ANAPC4: variants seen among roughly 807,000 people sequenced by gnomAD.
ANAPC4 encodes anaphase-promoting complex subunit 4.
Under a neutral mutation model 119.8 loss-of-function variants are expected in ANAPC4, and 63 were observed. The observed-to-expected ratio is 0.53, with a 90% CI of 0.43 to 0.65. The LOEUF is 0.65. Among genes scored for constraint, ANAPC4 ranks in the 30% least tolerant of loss-of-function variants. The probability of loss-of-function intolerance (pLI) is 0.00; values close to 1 mark genes in which losing one functional copy is unlikely to be tolerated. For missense variants in ANAPC4, 716 were observed against 945.1 expected (o/e 0.76, Z 3.18); for synonymous variants, 283 against 318.6 (o/e 0.89, Z 1.19).
Position 25,396,981 on chromosome 4 carries a change from A to G in ANAPC4, c.1214+82A>G, listed in dbSNP as rs2109126371. 2.2e-6 allele frequency: 3 copies of G among 1,364,882 alleles called. No homozygotes were observed. The East Asian group carries it at 7.0e-5, about 32-fold the overall frequency. The allele number at this position is 1,364,882 out of a possible 1,614,324, so 84.5% of individuals were successfully genotyped here. A position where few individuals can be genotyped will look rare whatever the true frequency, so the allele number is the denominator to read the frequency against. Reference sequence around the variant, plus strand: ...AATAAGAACCTAGTAAGCTGTTATGATTCTCTTAAAATCAGTTTTTAAATT... The same window carrying G: ...AATAAGAACCTAGTAAGCTGTTATGGTTCTCTTAAAATCAGTTTTTAAATT... On this transcript the variant is annotated intron_variant, in intron 16 of 28. Coordinates refer to ENST00000315368, the MANE Select transcript of ANAPC4 (RefSeq NM_013367.3).
chr4:25,409,744 A>G lies in ANAPC4; in HGVS notation c.1478A>G (p.Glu493Gly), dbSNP rs914072841. The change falls in exon 21 of 29, where the codon GAA becomes GGA. Residue 493 changes from glutamate (E) to glycine (G), a missense_variant. Glu to Gly is a moderately conservative substitution (Grantham distance 98, BLOSUM62 -2). Coordinates refer to ENST00000315368, the MANE Select transcript of ANAPC4 (RefSeq NM_013367.3). ...GATCTTGTGTCACCCCCTAACACAG[A>G]AGGAAACCAGTGGTATGACTTTCTT... ...DDDLVSPPNTEGNQWYDFLQN... is the reference protein window; with the variant it reads ...DDDLVSPPNTGGNQWYDFLQN... 1 of 1,613,506 alleles carries G rather than the reference A, an allele frequency of 6.2e-7. No homozygotes were observed. Among genetic ancestry groups the G allele is most frequent in the Non-Finnish European group, 8.5e-7 (1 of 1,179,636 alleles).
intron 16 of ANAPC4, among the ~76,000 whole-genome samples, chr4:25,400,939 T>C (rs1051744247): frequency 2.0e-5 from 3 of 152,112 alleles, no homozygotes; most frequent in Admixed American, 2.0e-4. Flanking sequence ...TGACAGCCTC[T>C]GGGGTGTGAA....
At chr4:25,380,295 T>C in intron 2 of ANAPC4, 79 bp from the exon 3 acceptor site, 2 of 1,138,442 alleles carry the variant, frequency 1.8e-6, no homozygotes, top group South Asian at 3.2e-5. Flanking sequence ...TTTAAAAAAA[T>C]TTTTAGTAGG....
chr4:25,418,135 T>C lies in ANAPC4; in HGVS notation c.2200-20T>C, dbSNP rs1231490016. On this transcript the variant is annotated intron_variant, in intron 28 of 28. Transcript: ENST00000315368. ...TAAGCCATTAATTTAAAAATGCTTT[T>C]ATGGCCTTTTCTTTTTTAGTTAAGC... 2 of 1,594,752 alleles carry C rather than the reference T, an allele frequency of 1.3e-6. No homozygotes were observed. The highest frequency in any genetic ancestry group is 1.7e-6 in the Non-Finnish European group (2 of 1,167,984).
intron 22 of ANAPC4, 125 bp from the exon 23 acceptor site, chr4:25,414,199 T>C (rs1723733696): frequency 4.8e-6 from 3 of 619,600 alleles, no homozygotes; most frequent in South Asian, 5.8e-5. Flanking sequence ...GTTTCTTATG[T>C]ACAAGGTTTG....
chr4:25,384,977 G>A (rs10027825), intron 4 of ANAPC4, among the ~76,000 whole-genome samples: 65,799 of 151,974 alleles, frequency 0.43, 15,838 homozygotes, highest in Non-Finnish European at 0.53. Flanking sequence ...TCAGAGCAGT[G>A]GGCCTCAACA....
intron 4 of ANAPC4, among the ~76,000 whole-genome samples, chr4:25,384,530 A>G (rs534317881): frequency 9.8e-5 from 15 of 152,322 alleles, no homozygotes; most frequent in African/African-American, 3.6e-4. Context: ...TTCTGAAATA[A>G]CAAGACTTGA....
In ANAPC4 at chr4:25,406,837, G is replaced by A. The variant is rs760964284; in HGVS notation, c.1326G>A (p.Gln442=). Residue 442 remains glutamine, a synonymous_variant, in exon 19 of 29, where the codon CAG becomes CAA. Coordinates refer to ENST00000315368, the MANE Select transcript of ANAPC4 (RefSeq NM_013367.3). The stretch of plus-strand genomic sequence containing the variant: ...GTTCCTTTTGTTGATAGATGACTCA[G>A]AAAGATATCACATTTGTTGCTGAAT... The part of the protein sequence containing the change: ...HVLPELNKMT[Q]KDITFVAEFL... 6 of 1,601,988 alleles carry A rather than the reference G, an allele frequency of 3.7e-6. No homozygotes were observed. Among genetic ancestry groups the A allele is most frequent in the Non-Finnish European group, 5.1e-6 (6 of 1,175,168 alleles).
At chr4:25,417,470 T>C in intron 27 of ANAPC4, 146 bp from the exon 28 acceptor site, 1 of 838,062 alleles carries the variant, frequency 1.2e-6, no homozygotes. Context: ...CAGCTTTTTT[T>C]CTAACACAAC....
At chr4:25,393,653 C>T (rs1030572546) in intron 10 of ANAPC4, 152 bp from the exon 11 acceptor site, 16 of 474,720 alleles carry the variant, frequency 3.4e-5, no homozygotes, top group African/African-American at 3.2e-4. Flanking sequence ...CAGAGCAAGA[C>T]TCTGTCTCGA....
intron 16 of ANAPC4, among the ~76,000 whole-genome samples, chr4:25,400,652 G>T (rs1278833820): frequency 6.6e-6 from 1 of 152,204 alleles, no homozygotes; most frequent in Non-Finnish European, 1.5e-5. Context: ...CAGGGGAGCA[G>T]TTAGATTTAC....
rs1721478763 is a variant in ANAPC4 at position 25,377,551 on chromosome 4, G to A, written c.124G>A (p.Gly42Ser). The change falls in exon 2 of 29, where the codon GGC becomes AGC. Residue 42 changes from glycine to serine, a missense_variant. Around this residue, in one of 3 missense-constraint regions of ANAPC4, gnomAD observed 202 missense variants for 293.5 expected, o/e 0.69. Transcript: ENST00000315368. ...TCTCATTGCTTTGGCCAACACAGCT[G>A]GCGAGGTGAGTGAGCCGGCGGGAGC... ...RDLIALANTA[G>S]EVLLHRLASF... 3 of 1,610,882 alleles carry A rather than the reference G, an allele frequency of 1.9e-6. No homozygotes were observed. Among genetic ancestry groups the A allele is most frequent in the Non-Finnish European group, 2.5e-6 (3 of 1,179,206 alleles).
chr4:25,395,189 A>G (rs1183702811), intron 14 of ANAPC4: 4 of 250,674 alleles, frequency 1.6e-5, no homozygotes, highest in Non-Finnish European at 2.3e-5. Flanking sequence ...TAAGGCATAT[A>G]TCTTTTTTTT....
rs756526769 is a variant in ANAPC4, at chr4:25,390,934, A to G, written c.624A>G (p.Leu208=). Residue 208 remains leucine (L), a synonymous_variant, in exon 9 of 29, where the codon TTA becomes TTG. Coordinates refer to ENST00000315368, the MANE Select transcript of ANAPC4 (RefSeq NM_013367.3). ...VTGIAGTCLA[L]CLSSDLKSLS... is the part of the protein sequence containing the mutation. ...AGATTGCTGGTACTTGTCTTGCATT[A>G]TGTTTATCAAGTGATTTGAAATCAT... 6.2e-7 allele frequency: 1 copy of G among 1,613,542 alleles called. No homozygotes were observed. The highest frequency in any genetic ancestry group is 1.3e-5 in the African/African-American group (1 of 74,922).
intron 26 of ANAPC4, 70 bp downstream of exon 26, chr4:25,415,610 C>T (rs1420963643): frequency 7.9e-6 from 11 of 1,391,854 alleles, no homozygotes; most frequent in Non-Finnish European, 1.0e-5. Flanking sequence ...GGAATAGGAT[C>T]AGACTCAGTT....
At chr4:25,379,838 T>C (rs1001799820) in intron 2 of ANAPC4, among the ~76,000 whole-genome samples, 1 of 152,142 alleles carries the variant, frequency 6.6e-6, no homozygotes, top group African/African-American at 2.4e-5. Flanking sequence ...TGAGGCCTTT[T>C]CTTCCTTACT....
intron 25 of ANAPC4, 60 bp downstream of exon 25, chr4:25,414,760 A>G (rs1723769491): frequency 1.5e-6 from 2 of 1,359,446 alleles, no homozygotes; most frequent in African/African-American, 1.5e-5. Context: ...GTAAGAATGA[A>G]GCATACAGCC....
At chr4:25,385,051 T>G (rs1404753559) in intron 4 of ANAPC4, among the ~76,000 whole-genome samples, 1 of 152,210 alleles carries the variant, frequency 6.6e-6, no homozygotes, top group East Asian at 1.9e-4. Context: ...GCTTTGTTGT[T>G]CCATTTATAG....
chr4:25,404,514 T>C (rs1027324645), intron 17 of ANAPC4, among the ~76,000 whole-genome samples: 1 of 152,168 alleles, frequency 6.6e-6, no homozygotes, highest in Non-Finnish European at 1.5e-5. Flanking sequence ...AGAATCTAAC[T>C]GTAGTAAGAA....
Sources: gnomAD v4.1 joint callset for allele counts (sites outside exome capture counted in the v4.1 genomes callset) on GRCh38, gnomAD v4.1.1 for gene constraint, gnomAD v4.1.1 regional missense constraint, MANE v1.5 for transcripts, NCBI Gene and HGNC (gene_info 2026-07-23, HGNC 2026-07-21) for gene names.